The following GALNT17 variants were observed in gnomAD, a reference collection of about 807,000 sequenced individuals.
The protein encoded by GALNT17 is polypeptide N-acetylgalactosaminyltransferase 17.
GALNT17 carries 29 observed loss-of-function variants against 63.7 expected under a neutral mutation model. The ratio of observed to expected loss-of-function variants is 0.46; its 90% CI spans 0.34 to 0.62. The LOEUF (loss-of-function observed/expected upper bound fraction) is 0.62. GALNT17 is among the 20% of genes least tolerant of loss of function. The probability of loss-of-function intolerance (pLI) is 0.01; values close to 1 mark genes in which losing one functional copy is unlikely to be tolerated. For synonymous variants in GALNT17, 305 were observed against 318.3 expected, an observed-to-expected ratio of 0.96 and a Z score of 0.45; for missense variants, 603 against 799.6, an observed-to-expected ratio of 0.75 and a Z score of 2.97.
intron 2 of GALNT17, among the ~76,000 whole-genome samples, chr7:71,335,983 A>ATTCTTCTTC (rs59602104): frequency 1.5e-5 from 2 of 133,440 alleles, no homozygotes; most frequent in African/African-American, 5.5e-5. Context: ...TTGTATTTTA[A>ATTCTTCTTC]TTCTTCTTCT....
At chr7:71,589,973 A>T (rs1175310626) in intron 6 of GALNT17, among the ~76,000 whole-genome samples, 1 of 152,360 alleles carries the variant, frequency 6.6e-6, no homozygotes, top group Non-Finnish European at 1.5e-5. Flanking sequence ...TCATAAAACA[A>T]TTCCATCTGC....
intron 6 of GALNT17, among the ~76,000 whole-genome samples, chr7:71,601,945 T>C (rs1001788932): frequency 6.6e-6 from 1 of 152,210 alleles, no homozygotes; most frequent in African/African-American, 2.4e-5. Flanking sequence ...TTTGTGCGGA[T>C]CTTCCCTCTC....
intron 1 of GALNT17, among the ~76,000 whole-genome samples, chr7:71,289,848 C>T (rs2115809212): frequency 6.6e-6 from 1 of 151,414 alleles, no homozygotes; most frequent in South Asian, 2.1e-4. Flanking sequence ...CGTTGCATTC[C>T]AGCCTGGGCA....
At chr7:71,555,888 G>A (rs919947665) in intron 5 of GALNT17, among the ~76,000 whole-genome samples, 10 of 152,210 alleles carry the variant, frequency 6.6e-5, no homozygotes, top group Non-Finnish European at 1.2e-4. Flanking sequence ...CGGCTCGTGC[G>A]CTTGAAATCC....
intron 1 of GALNT17, chr7:71,300,455 T>G (rs1173323748): frequency 4.4e-6 from 2 of 456,310 alleles, no homozygotes; most frequent in Admixed American, 4.7e-5. Context: ...CTTTTCAGAA[T>G]CACTGACTGG....
intron 6 of GALNT17, among the ~76,000 whole-genome samples, chr7:71,642,479 A>G (rs1466616991): frequency 2.0e-5 from 3 of 152,186 alleles, no homozygotes; most frequent in East Asian, 3.9e-4. Flanking sequence ...TTCATGGACA[A>G]CCAACTCCTT....
chr7:71,419,552 G>A (rs1786619656), intron 4 of GALNT17, among the ~76,000 whole-genome samples: 1 of 152,228 alleles, frequency 6.6e-6, no homozygotes, highest in Non-Finnish European at 1.5e-5. Flanking sequence ...CTTGAATAAG[G>A]TGGGGAAAAT....
At chr7:71,176,473 G>C (rs1467972763) in intron 1 of GALNT17, among the ~76,000 whole-genome samples, 1 of 152,162 alleles carries the variant, frequency 6.6e-6, no homozygotes. Flanking sequence ...CTCCATGGCG[G>C]GGAGGCATTC....
At chr7:71,419,312 G>A (rs931915005) in intron 4 of GALNT17, among the ~76,000 whole-genome samples, 1 of 152,192 alleles carries the variant, frequency 6.6e-6, no homozygotes, top group East Asian at 1.9e-4. Context: ...ATAACCTGGG[G>A]CAAGCTACTT....
intron 6 of GALNT17, among the ~76,000 whole-genome samples, chr7:71,648,349 C>T (rs895593223): frequency 1.3e-5 from 2 of 152,054 alleles, no homozygotes; most frequent in East Asian, 3.9e-4. Context: ...CAGCTCACCG[C>T]AGCCTGGAAC....
intron 3 of GALNT17, among the ~76,000 whole-genome samples, chr7:71,401,447 T>G (rs986799854): frequency 6.6e-6 from 1 of 152,064 alleles, no homozygotes; most frequent in African/African-American, 2.4e-5. Context: ...TTAATTTACC[T>G]TGTTACCTTC....
At chr7:71,173,731 C>T (rs1275530381) in intron 1 of GALNT17, among the ~76,000 whole-genome samples, 1 of 152,100 alleles carries the variant, frequency 6.6e-6, no homozygotes, top group Non-Finnish European at 1.5e-5. Flanking sequence ...TGAGATTGTG[C>T]CACTGCACTC....
chr7:71,527,783 A>G (rs1788648878), intron 5 of GALNT17, among the ~76,000 whole-genome samples: 1 of 152,186 alleles, frequency 6.6e-6, no homozygotes, highest in Admixed American at 6.5e-5. Flanking sequence ...ATGCATGTAC[A>G]CACCCACACA....
intron 1 of GALNT17, among the ~76,000 whole-genome samples, chr7:71,290,671 G>A (rs1436160712): frequency 6.6e-6 from 1 of 152,146 alleles, no homozygotes; most frequent in East Asian, 1.9e-4. Flanking sequence ...ATCAGTATTG[G>A]CTGGTCCCAT....
At chr7:71,589,533 C>G (rs750963636) in intron 6 of GALNT17, among the ~76,000 whole-genome samples, 1 of 151,686 alleles carries the variant, frequency 6.6e-6, no homozygotes, top group African/African-American at 2.4e-5. Context: ...AATCATAACA[C>G]TACACTCCAG....
In GALNT17 at chr7:71,607,212, G is replaced by A. The variant is rs555145664; in HGVS notation, c.1080+35810G>A. On this transcript the variant is annotated intron_variant, in intron 6 of 10. Coordinates refer to ENST00000333538, the MANE Select transcript of GALNT17 (RefSeq NM_022479.3). ...AATACAAATTGATACCCAAGATAGC[G>A]ATATGGTGAGAAGCCCACTAAAAAT... Among the ~76,000 whole-genome samples, 5 of 152,192 alleles carry A rather than the reference G, an allele frequency of 3.3e-5. No homozygotes were observed. The South Asian group carries it at 8.3e-4, about 25-fold the overall frequency.
intron 5 of GALNT17, among the ~76,000 whole-genome samples, chr7:71,530,877 A>G (rs1788710018): frequency 6.6e-6 from 1 of 151,984 alleles, no homozygotes; most frequent in Non-Finnish European, 1.5e-5. Context: ...CAAGAATTTT[A>G]TTTTTAACAA....
rs557996811 is a variant in GALNT17 at position 71,286,082 on chromosome 7, G to A, written c.239-49468G>A. On this transcript the variant is annotated intron_variant, in intron 1 of 10. Coordinates refer to ENST00000333538, the MANE Select transcript of GALNT17 (RefSeq NM_022479.3). ...TACTTGGGGAGAACTATAACACAAGGAAAACTGGGCATTCAACTGATTGCA... is the reference window on the plus strand; with the variant it reads ...TACTTGGGGAGAACTATAACACAAGAAAAACTGGGCATTCAACTGATTGCA... 2.8e-4 allele frequency among the ~76,000 whole-genome samples: 42 copies of A among 152,258 alleles called. 1 individual carries two copies. The highest frequency in any genetic ancestry group is 8.9e-4 in the African/African-American group (37 of 41,562).
At chr7:71,177,016 G>C (rs1325060093) in intron 1 of GALNT17, among the ~76,000 whole-genome samples, 1 of 152,160 alleles carries the variant, frequency 6.6e-6, no homozygotes. Flanking sequence ...AAAGGACAGA[G>C]CTTCGAGCAG....
Sources: allele counts gnomAD v4.1 joint callset (sites outside exome capture counted in the v4.1 genomes callset), GRCh38; gene constraint gnomAD v4.1.1; transcripts MANE v1.5; gene names NCBI Gene and HGNC (gene_info 2026-07-23, HGNC 2026-07-21).